The following FBXL8 variants were observed in gnomAD, a reference collection of about 807,000 sequenced individuals.
The protein encoded by FBXL8 is F-box/LRR-repeat protein 8.
A neutral mutation model predicts 8.2 loss-of-function variants in FBXL8; 13 were observed. The observed-to-expected ratio is 1.58, with a 90% CI of 1.03 to 2.51. The LOEUF (loss-of-function observed/expected upper bound fraction) is 2.51, where lower values mean the gene tolerates loss of function less well. FBXL8 is among the 30% of genes most tolerant of loss of function. FBXL8 has a pLI of 0.00. For missense variants in FBXL8, 565 were observed against 540.4 expected (o/e 1.05, Z -0.45); for synonymous variants, 271 against 260.5 (o/e 1.04, Z -0.39).
intron 2 of FBXL8, chr16:67,162,408 C>G: frequency 1.7e-6 from 1 of 593,666 alleles, no homozygotes; most frequent in Non-Finnish European, 3.0e-6. Context: ...CATATATTAA[C>G]TAATTTAATC....
Position 67,162,933 on chromosome 16 carries a change from C to T in FBXL8, c.238C>T (p.Pro80Ser), listed in dbSNP as rs1382589204. ...TCACAACCTACGGCTGGAATTTGAG[C>T]CATCGAGGAAGCCGAGCCGCCGGGC... ...HIHNLRLEFE[P>S]SRKPSRRAAI... The change falls in exon 3 of 3, where the codon CCA becomes TCA. Residue 80 changes from proline (P) to serine (S), a missense_variant. Transcript: ENST00000258200. 1.9e-6 allele frequency: 3 copies of T among 1,556,470 alleles called. No individual in the cohort carries two copies. Among genetic ancestry groups the T allele is most frequent in the Non-Finnish European group, 2.6e-6 (3 of 1,150,056 alleles).
Position 67,163,729 on chromosome 16 carries a change from A to G in FBXL8, c.1034A>G (p.Asp345Gly). The G allele has an allele frequency of 6.3e-7, 1 of 1,593,616 alleles. No homozygotes were observed. Among genetic ancestry groups the G allele is most frequent in the South Asian group, 1.1e-5 (1 of 90,450 alleles). ...CFCVVSHSVL[D>G]AFRAHCPRLR... Reference sequence around the variant, plus strand: ...TGCGTGGTGAGCCACTCGGTGCTGGACGCCTTCCGCGCGCACTGCCCGCGC... The same window carrying G: ...TGCGTGGTGAGCCACTCGGTGCTGGGCGCCTTCCGCGCGCACTGCCCGCGC... Residue 345 changes from aspartate (D) to glycine (G), a missense_variant, in exon 3 of 3, where the codon GAC becomes GGC. Coordinates refer to ENST00000258200, the MANE Select transcript of FBXL8 (RefSeq NM_018378.3).
chr16:67,163,379 C>T lies in FBXL8; in HGVS notation c.684C>T (p.Cys228=). The change falls in exon 3 of 3, where the codon TGC becomes TGT. Residue 228 remains cysteine, a synonymous_variant. Transcript: ENST00000258200. ...PFALLALRCA[C]PEDARASPLP... is the part of the protein sequence containing the mutation. ...CGCTCTTGGCTCTGCGGTGCGCGTG[C>T]CCCGAAGATGCACGCGCGTCCCCGC... The T allele has an allele frequency of 6.5e-7, 1 of 1,543,078 alleles. No homozygotes were observed. Among genetic ancestry groups the T allele is most frequent in the Non-Finnish European group, 8.7e-7 (1 of 1,149,532 alleles).
In FBXL8 at chr16:67,161,729, C is replaced by T. The variant is rs975707632; in HGVS notation, c.-51-6C>T. 3 of 1,502,984 alleles carry T rather than the reference C, an allele frequency of 2.0e-6. No homozygotes were observed. The highest frequency in any genetic ancestry group is 2.7e-6 in the Non-Finnish European group (3 of 1,120,824). 93.1% of individuals were successfully genotyped at this position (1,502,984 alleles called of 1,614,324 possible). On this transcript the variant is annotated splice_region_variant and splice_polypyrimidine_tract_variant and intron_variant, in intron 1 of 2. Coordinates refer to ENST00000258200, the MANE Select transcript of FBXL8 (RefSeq NM_018378.3). ...CCCGACCTCAGAGACGTCCGTCTCT[C>T]TCCAGGCCGGAGCTATTGGGAGTGG...
At position 67,162,513 on chromosome 16, in the gene FBXL8, T is replaced by C. The variant is rs2030949529; in HGVS notation, c.153-335T>C. ...AAGAGACTTAATCACTTCCCACGGG[T>C]CACTCAGCTAGGGAATGGCAGAGGC... On this transcript the variant is annotated intron_variant, in intron 2 of 2. Coordinates refer to ENST00000258200, the MANE Select transcript of FBXL8 (RefSeq NM_018378.3). 7.3e-6 allele frequency: 5 copies of C among 688,222 alleles called. No homozygotes were observed. In the Admixed American group the frequency reaches 1.0e-4, roughly 14 times the overall value. 42.6% of individuals were successfully genotyped at this position (688,222 alleles called of 1,614,324 possible). A position where few individuals can be genotyped will look rare whatever the true frequency, so the allele number is the denominator to read the frequency against.
intron 2 of FBXL8, chr16:67,162,435 G>A: frequency 3.3e-6 from 2 of 604,742 alleles, no homozygotes; most frequent in Non-Finnish European, 5.9e-6. Context: ...AAAACCTTGT[G>A]TGGTAGATAG....
chr16:67,161,672 A>AAGC, intron 1 of FBXL8, 63 bp from the exon 2 acceptor site: 2 of 1,338,522 alleles, frequency 1.5e-6, no homozygotes, highest in Non-Finnish European at 2.0e-6. Flanking sequence ...TTGTACACCT[A>AAGC]AGCTCGGTCT....
chr16:67,161,542 C>A, intron 1 of FBXL8, 193 bp from the exon 2 acceptor site: 2 of 443,796 alleles, frequency 4.5e-6, no homozygotes, highest in Admixed American at 4.2e-5. Flanking sequence ...TGGGCCTTAC[C>A]CTTTCCGGAG....
chr16:67,162,112 C>G (rs1462381673), intron 2 of FBXL8, 175 bp downstream of exon 2: 1 of 798,386 alleles, frequency 1.3e-6, no homozygotes, highest in Non-Finnish European at 1.8e-6. Context: ...GGTGGATCAC[C>G]TGAGGTCAGG....
chr16:67,162,007 A>G, intron 2 of FBXL8, 70 bp downstream of exon 2: 1 of 1,466,666 alleles, frequency 6.8e-7, no homozygotes, highest in Non-Finnish European at 9.0e-7. Context: ...TGGGCTAGGT[A>G]GATATTCAGG....
Position 67,163,689 on chromosome 16 carries a change from G to T in FBXL8, c.994G>T (p.Glu332Ter). The stretch of plus-strand genomic sequence containing the variant: ...GGCGGCGCGCTGCGCGGCCCTGCGC[G>T]AGGTGCATTGTTTCTGCGTGGTGAG... ...ELAARCAALR[E>*]VHCFCVVSHS... Residue 332 changes from glutamate to a stop codon, truncating the protein, a stop_gained, in exon 3 of 3, where the codon GAG becomes TAG. Transcript: ENST00000258200. LOFTEE classifies it high-confidence loss of function. 1.3e-6 allele frequency: 2 copies of T among 1,588,808 alleles called. No individual in the cohort carries two copies. Among genetic ancestry groups the T allele is most frequent in the Non-Finnish European group, 1.7e-6 (2 of 1,175,292 alleles).
At position 67,161,841 on chromosome 16, in the gene FBXL8, A is replaced by C. The variant is rs774953768; in HGVS notation, c.56A>C (p.His19Pro). 1.2e-5 allele frequency: 19 copies of C among 1,610,612 alleles called. No homozygotes were observed. Among genetic ancestry groups the C allele is most frequent in the Non-Finnish European group, 8.5e-7 (1 of 1,178,758 alleles). Reference protein sequence around the residue: ...PEEVLALIFRHLSLRDRAAAA... With the variant: ...PEEVLALIFRPLSLRDRAAAA... Reference sequence around the variant, plus strand: ...GAGGTGCTGGCACTCATCTTCCGCCACCTGTCCCTGAGAGACCGTGCTGCC... The same window carrying C: ...GAGGTGCTGGCACTCATCTTCCGCCCCCTGTCCCTGAGAGACCGTGCTGCC... The change falls in exon 2 of 3, where the codon CAC (histidine) becomes CCC (proline). Residue 19 changes from histidine (H) to proline (P), a missense_variant. By Grantham distance (77) the His-to-Pro change is moderately conservative. Coordinates refer to ENST00000258200, the MANE Select transcript of FBXL8 (RefSeq NM_018378.3).
Position 67,163,878 on chromosome 16 carries a change from G to GA in FBXL8, c.*58_*59insA, listed in dbSNP as rs965162501. 2.7e-5 allele frequency: 41 copies of GA among 1,526,594 alleles called. No individual in the cohort carries two copies. The East Asian group carries it at 3.9e-4, about 15-fold the overall frequency. 94.6% of individuals were successfully genotyped at this position (1,526,594 alleles called of 1,614,324 possible). The stretch of plus-strand genomic sequence containing the variant: ...GTAAGCGCTCTGAGAGGGAACGGGG[G>GA]GGGTGTCCAGGCGCGCCCCGAGTGC... On this transcript the variant is annotated 3_prime_UTR_variant, in exon 3 of 3. Transcript: ENST00000258200.
At position 67,163,406 on chromosome 16, in the gene FBXL8, G is replaced by T; in HGVS notation, c.711G>T (p.Leu237=). The T allele has an allele frequency of 6.5e-7, 1 of 1,537,534 alleles. No individual in the cohort carries two copies. The highest frequency in any genetic ancestry group is 8.7e-7 in the Non-Finnish European group (1 of 1,147,298). The change falls in exon 3 of 3, where the codon CTG becomes CTT. Residue 237 remains leucine, a synonymous_variant. Transcript: ENST00000258200. ...ACPEDARASP[L]PNEAWVALRR... is the part of the protein sequence containing the mutation. ...CCGAAGATGCACGCGCGTCCCCGCTGCCCAACGAAGCCTGGGTCGCGTTGC... is the reference window on the plus strand; with the variant it reads ...CCGAAGATGCACGCGCGTCCCCGCTTCCCAACGAAGCCTGGGTCGCGTTGC...
Position 67,163,564 on chromosome 16 carries a change from G to C in FBXL8, c.869G>C (p.Gly290Ala). ...LRLNLSGDTV[G>A]PVRFAAHHYA... ...CTCAACCTCTCAGGCGACACCGTAGGCCCAGTGCGCTTCGCAGCACACCAC... is the reference window on the plus strand; with the variant it reads ...CTCAACCTCTCAGGCGACACCGTAGCCCCAGTGCGCTTCGCAGCACACCAC... Residue 290 changes from glycine to alanine, a missense_variant, in exon 3 of 3, where the codon GGC becomes GCC. By Grantham distance (60) the Gly-to-Ala change is moderately conservative. Transcript: ENST00000258200. 3.8e-6 allele frequency: 6 copies of C among 1,580,660 alleles called. No individual in the cohort carries two copies. Among genetic ancestry groups the C allele is most frequent in the Non-Finnish European group, 4.3e-6 (5 of 1,171,854 alleles).
chr16:67,163,499 G>A lies in FBXL8; in HGVS notation c.804G>A (p.Thr268=). 1 of 1,542,134 alleles carries A rather than the reference G, an allele frequency of 6.5e-7. No individual in the cohort carries two copies. Among genetic ancestry groups the A allele is most frequent in the Non-Finnish European group, 8.7e-7 (1 of 1,150,900 alleles). The change falls in exon 3 of 3, where the codon ACG becomes ACA. Residue 268 remains threonine (T), a synonymous_variant. Coordinates refer to ENST00000258200, the MANE Select transcript of FBXL8 (RefSeq NM_018378.3). Reference sequence around the variant, plus strand: ...CCGCGCTGCCCGCTGAGAGCGTGACGCGCGTCCTGCAGCCAGCCGTCCCCG... The same window carrying A: ...CCGCGCTGCCCGCTGAGAGCGTGACACGCGTCCTGCAGCCAGCCGTCCCCG... ...LEPALPAESV[T]RVLQPAVPVA... is the part of the protein sequence containing the mutation.
chr16:67,161,550 G>A, intron 1 of FBXL8, 185 bp from the exon 2 acceptor site: 1 of 451,846 alleles, frequency 2.2e-6, no homozygotes, highest in Non-Finnish European at 3.9e-6. Context: ...ACCCTTTCCG[G>A]AGAGCCTGAT....
In FBXL8 at chr16:67,163,638, G is replaced by A. The variant is rs1293452460; in HGVS notation, c.943G>A (p.Glu315Lys). The change falls in exon 3 of 3, where the codon GAG becomes AAG. Residue 315 changes from glutamate (E) to lysine (K), a missense_variant. Physicochemically the swap from Glu to Lys is moderately conservative, Grantham distance 56. Coordinates refer to ENST00000258200, the MANE Select transcript of FBXL8 (RefSeq NM_018378.3). ...ALEVRAAASA[E>K]LNAALEELAA... ...CGAGGTGCGCGCAGCCGCTTCGGCC[G>A]AGCTGAACGCCGCGCTGGAGGAGCT... The A allele has an allele frequency of 3.8e-6, 6 of 1,567,614 alleles. No homozygotes were observed. Among genetic ancestry groups the A allele is most frequent in the African/African-American group, 2.7e-5 (2 of 73,000 alleles).
At position 67,163,699 on chromosome 16, in the gene FBXL8, G is replaced by A. The variant is rs775791742; in HGVS notation, c.1004G>A (p.Cys335Tyr). The A allele has an allele frequency of 1.3e-6, 2 of 1,593,126 alleles. No individual in the cohort carries two copies. Among genetic ancestry groups the A allele is most frequent in the Non-Finnish European group, 1.7e-6 (2 of 1,177,144 alleles). ...ARCAALREVH[C>Y]FCVVSHSVLD... ...TGCGCGGCCCTGCGCGAGGTGCATT[G>A]TTTCTGCGTGGTGAGCCACTCGGTG... The change falls in exon 3 of 3, where the codon TGT becomes TAT. Residue 335 changes from cysteine to tyrosine, a missense_variant. By Grantham distance (194) the Cys-to-Tyr change is radical (BLOSUM62 -2). Transcript: ENST00000258200.
Sources: gnomAD v4.1 joint callset for allele counts on GRCh38, gnomAD v4.1.1 for gene constraint, MANE v1.5 for transcripts, NCBI Gene and HGNC (gene_info 2026-07-23, HGNC 2026-07-21) for gene names.